NSUN7: variants seen among roughly 807,000 people sequenced by gnomAD.
The protein encoded by NSUN7 is NOP2/Sun RNA methyltransferase family member 7.
NSUN7 carries 39 observed loss-of-function variants against 58.5 expected under a neutral mutation model. The ratio of observed to expected loss-of-function variants is 0.67; its 90% confidence interval spans 0.52 to 0.87. The LOEUF (loss-of-function observed/expected upper bound fraction) is 0.87, where lower values mean the gene tolerates loss of function less well. NSUN7 is among the 40% of genes least tolerant of loss of function. The pLI is 0.00. For missense variants in NSUN7, 765 were observed against 844.1 expected (o/e 0.91, Z 1.16); for synonymous variants, 278 against 303.7 (o/e 0.92, Z 0.88).
chr4:40,768,769 T>C (rs1741858411), intron 4 of NSUN7, among the ~76,000 whole-genome samples: 1 of 152,212 alleles, frequency 6.6e-6, no homozygotes. Context: ...TAACTGTCTT[T>C]TTAATACTGT....
rs181591905 is a variant in NSUN7 at position 40,770,934 on chromosome 4, C to T, written c.489-3331C>T. On this transcript the variant is annotated intron_variant, in intron 4 of 11. Coordinates refer to ENST00000381782, the MANE Select transcript of NSUN7 (RefSeq NM_024677.6). ...GGTGTGGTGGTGTGCACCTGTAGTC[C>T]CAGCTACTTGGGAGGCTGAGGCAGG... Among the ~76,000 whole-genome samples the T allele has an allele frequency of 1.3e-3, 204 of 152,130 alleles. 2 individuals are homozygous for T. In the East Asian group the frequency reaches 0.018, roughly 14 times the overall value.
chr4:40,753,078 T>C (rs1268044060), intron 2 of NSUN7, among the ~76,000 whole-genome samples: 1 of 152,238 alleles, frequency 6.6e-6, no homozygotes, highest in African/African-American at 2.4e-5. Flanking sequence ...GCTAGAATTT[T>C]ATTCTAGGCA....
rs1304678650 is a variant in NSUN7, at chr4:40,760,460, A to G, written c.325A>G (p.Ile109Val). The change falls in exon 3 of 12, where the codon ATA (isoleucine) becomes GTA (valine). Residue 109 changes from isoleucine (I) to valine (V), a missense_variant. Physicochemically the swap from Ile to Val is conservative, Grantham distance 29 (BLOSUM62 3). Transcript: ENST00000381782. ...TCAAGATATTTTGGAAACTATATTG[A>G]TAGACAGCTGTATCTTCCCAAGTAC... ...KYQDILETIL[I>V]DSCIFPSTTI... 1 of 1,610,266 alleles carries G rather than the reference A, an allele frequency of 6.2e-7. No homozygotes were observed. Among genetic ancestry groups the G allele is most frequent in the Non-Finnish European group, 8.5e-7 (1 of 1,177,786 alleles).
At chr4:40,792,473 C>T (rs188665180) in intron 8 of NSUN7, among the ~76,000 whole-genome samples, 46 of 152,292 alleles carry the variant, frequency 3.0e-4, no homozygotes, top group East Asian at 2.7e-3. Flanking sequence ...GTATACTGGC[C>T]GGGAGCGGTG....
chr4:40,774,221 T>G, intron 4 of NSUN7, 44 bp from the exon 5 acceptor site: 10 of 1,558,616 alleles, frequency 6.4e-6, no homozygotes, highest in Non-Finnish European at 8.8e-6. Context: ...ATTGATAGTC[T>G]TGTCTCAAAT....
intron 8 of NSUN7, among the ~76,000 whole-genome samples, chr4:40,792,479 C>CAT (rs1743115992): frequency 6.6e-6 from 1 of 152,114 alleles, no homozygotes; most frequent in African/African-American, 2.4e-5. Flanking sequence ...TGGCCGGGAG[C>CAT]GGTGGCTCAC....
intron 1 of NSUN7, 59 bp from the exon 2 acceptor site, chr4:40,750,544 C>G (rs914237636): frequency 3.5e-6 from 3 of 864,800 alleles, no homozygotes; most frequent in African/African-American, 3.4e-5. Flanking sequence ...ACGAAGGGGG[C>G]CACCCACAGG....
At chr4:40,805,050 A>G (rs940808030) in intron 10 of NSUN7, among the ~76,000 whole-genome samples, 4 of 152,132 alleles carry the variant, frequency 2.6e-5, no homozygotes, top group African/African-American at 7.2e-5. Flanking sequence ...TATCCACGGC[A>G]GCGAGCTCAC....
intron 4 of NSUN7, among the ~76,000 whole-genome samples, chr4:40,768,482 G>A (rs1741845104): frequency 6.6e-6 from 1 of 152,098 alleles, no homozygotes; most frequent in Non-Finnish European, 1.5e-5. Flanking sequence ...GAGCTGCCGT[G>A]CTCGGCCAGA....
intron 7 of NSUN7, among the ~76,000 whole-genome samples, chr4:40,777,669 A>G (rs563868909): frequency 1.3e-5 from 2 of 152,250 alleles, no homozygotes; most frequent in Non-Finnish European, 2.9e-5. Flanking sequence ...TTTATAAAAC[A>G]CTGACAGAAC....
intron 9 of NSUN7, among the ~76,000 whole-genome samples, chr4:40,798,291 C>T (rs1415977866): frequency 6.6e-6 from 1 of 152,150 alleles, no homozygotes. Flanking sequence ...GGTAGGTGCT[C>T]AATAAGTATG....
intron 7 of NSUN7, among the ~76,000 whole-genome samples, chr4:40,782,685 G>A (rs756562599): frequency 2.0e-5 from 3 of 151,846 alleles, no homozygotes; most frequent in Non-Finnish European, 4.4e-5. Flanking sequence ...ATCTGGCAAC[G>A]TAGCAAGATC....
intron 8 of NSUN7, 150 bp downstream of exon 8, chr4:40,790,895 C>T (rs1743048904): frequency 1.7e-6 from 1 of 574,386 alleles, no homozygotes. Context: ...AAGTCCTTTA[C>T]CTCTGTTACC....
Position 40,775,033 on chromosome 4 carries a change from A to C in NSUN7, c.825+83A>C. On this transcript the variant is annotated intron_variant, in intron 6 of 11. Transcript: ENST00000381782. This position sits in a 1 kb window ranked among gnomAD's most constrained non-coding sequence, Gnocchi z 4.3. ...TCTCCACTTAAAAATAAAACCTAAC[A>C]CTGTTTATATTTTTATAGATTATCA... 1 of 607,830 alleles carries C rather than the reference A, an allele frequency of 1.6e-6. No homozygotes were observed. The highest frequency in any genetic ancestry group is 2.8e-6 in the Non-Finnish European group (1 of 356,986). 37.7% of individuals were successfully genotyped at this position (607,830 alleles called of 1,614,324 possible).
At position 40,774,257 on chromosome 4, in the gene NSUN7, G is replaced by T; in HGVS notation, c.489-8G>T. ...GCAATAGATTAAGGATGGATTTTCT[G>T]TCTCTAGTTTTAAGATAAAATTGGC... On this transcript the variant is annotated splice_polypyrimidine_tract_variant and splice_region_variant and intron_variant, in intron 4 of 11. Transcript: ENST00000381782. 1.9e-6 allele frequency: 3 copies of T among 1,613,636 alleles called. No individual in the cohort carries two copies. Among genetic ancestry groups the T allele is most frequent in the Non-Finnish European group, 2.5e-6 (3 of 1,179,600 alleles).
chr4:40,750,433 A>AC (rs1168787444), intron 1 of NSUN7, 133 bp downstream of exon 1: 1 of 435,296 alleles, frequency 2.3e-6, no homozygotes, highest in African/African-American at 2.3e-5. Context: ...CCGCCGCTGC[A>AC]CCCCTCCTCG....
intron 4 of NSUN7, among the ~76,000 whole-genome samples, chr4:40,764,011 T>C (rs1312319390): frequency 6.6e-6 from 1 of 152,198 alleles, no homozygotes; most frequent in Non-Finnish European, 1.5e-5. Flanking sequence ...AAAATACATG[T>C]ACAAAGATGC....
At chr4:40,758,892 AAG>A (rs1375397998) in intron 2 of NSUN7, among the ~76,000 whole-genome samples, 1 of 151,908 alleles carries the variant, frequency 6.6e-6, no homozygotes, top group Non-Finnish European at 1.5e-5. Context: ...CTCAAAAAAA[AAG>A]AAAATTCATG....
intron 7 of NSUN7, among the ~76,000 whole-genome samples, chr4:40,783,902 A>C (rs1205463192): frequency 6.6e-6 from 1 of 152,132 alleles, no homozygotes; most frequent in Non-Finnish European, 1.5e-5. Flanking sequence ...CAAATCATCT[A>C]TCTGAAAAGG....
Sources: gnomAD v4.1 joint callset for allele counts (sites outside exome capture counted in the v4.1 genomes callset) on GRCh38, gnomAD v4.1.1 for gene constraint, Gnocchi (gnomAD v3.1) non-coding constraint, MANE v1.5 for transcripts, NCBI Gene and HGNC (gene_info 2026-07-23, HGNC 2026-07-21) for gene names.